WASHC2C: variants seen among roughly 807,000 people sequenced by gnomAD.
WASHC2C encodes the protein Vaccinia Penetration Factor.
In WASHC2C, 73 loss-of-function variants were observed where a neutral mutation model predicts 142.2. The observed-to-expected ratio is 0.51, with a 90% CI of 0.43 to 0.62. WASHC2C has a LOEUF of 0.62. Ranked by LOEUF, WASHC2C falls within the 20% of genes least tolerant of loss-of-function variation. The pLI is 0.00. For synonymous variants in WASHC2C, 337 were observed against 565.5 expected (o/e 0.60, Z 5.73); for missense variants, 969 against 1,531.7 (o/e 0.63, Z 6.13).
intron 17 of WASHC2C, among the ~76,000 whole-genome samples, chr10:45,761,148 G>A (rs1169274852): frequency 2.0e-5 from 3 of 151,494 alleles, no homozygotes; most frequent in East Asian, 2.0e-4. Flanking sequence ...GTCTGAAGGT[G>A]GCTGGGCTGA....
At chr10:45,784,034 G>C (rs1554888737) in intron 23 of WASHC2C, among the ~76,000 whole-genome samples, 1 of 151,912 alleles carries the variant, frequency 6.6e-6, no homozygotes, top group Non-Finnish European at 1.5e-5. Flanking sequence ...TGTGTAGTTT[G>C]TGCTTGAGTC....
At chr10:45,787,390 C>T (rs1322290728) in intron 28 of WASHC2C, 143 bp downstream of exon 28, 1 of 1,514,728 alleles carries the variant, frequency 6.6e-7, no homozygotes, top group East Asian at 2.4e-5. Flanking sequence ...AGCCGCTCCC[C>T]CCTCCATTCT....
At chr10:45,759,782 G>A (rs1348364022) in intron 17 of WASHC2C, among the ~76,000 whole-genome samples, 1 of 152,144 alleles carries the variant, frequency 6.6e-6, no homozygotes, top group Non-Finnish European at 1.5e-5. Flanking sequence ...TCACACCATT[G>A]CACTCCAGTC....
intron 17 of WASHC2C, among the ~76,000 whole-genome samples, chr10:45,761,065 C>G (rs1469764602): frequency 6.6e-6 from 1 of 151,982 alleles, no homozygotes; most frequent in African/African-American, 2.4e-5. Context: ...TCATAACACC[C>G]ATAGTTTTGT....
intron 15 of WASHC2C, among the ~76,000 whole-genome samples, chr10:45,755,903 T>C (rs2054220312): frequency 6.6e-6 from 1 of 152,234 alleles, no homozygotes. Flanking sequence ...CTAGAATGCA[T>C]TTAGAAGCCG....
chr10:45,756,309 G>A (rs2054280539), intron 15 of WASHC2C, among the ~76,000 whole-genome samples: 2 of 149,298 alleles, frequency 1.3e-5, no homozygotes, highest in Non-Finnish European at 3.0e-5. Flanking sequence ...ATACTTATCA[G>A]TAGAGTAAGC....
chr10:45,774,495 A>G (rs1345431527), intron 21 of WASHC2C, among the ~76,000 whole-genome samples: 15 of 5,274 alleles, frequency 2.8e-3, no homozygotes, highest in African/African-American at 9.9e-3. Context: ...ATAAAACAAA[A>G]GGTCAAGACA....
At chr10:45,767,554 G>C (rs1345439536) in intron 19 of WASHC2C, among the ~76,000 whole-genome samples, 2 of 152,274 alleles carry the variant, frequency 1.3e-5, no homozygotes, top group Admixed American at 6.5e-5. Flanking sequence ...TCCTACTAGA[G>C]TATTATAGTG....
chr10:45,792,383 G>A lies in WASHC2C; in HGVS notation c.4009G>A (p.Ala1337Thr). Residue 1337 changes from alanine (A) to threonine (T), a missense_variant, in exon 31 of 31, where the codon GCC (alanine) becomes ACC (threonine). By Grantham distance (58) the Ala-to-Thr change is moderately conservative. Coordinates refer to ENST00000623400, the MANE Select transcript of WASHC2C (RefSeq NM_001330074.2). ...CAACATCTTTGATGATCCCCTGAATGCCTTTGGAGGCCAGTAGAGCACACA... is the reference window on the plus strand; with the variant it reads ...CAACATCTTTGATGATCCCCTGAATACCTTTGGAGGCCAGTAGAGCACACA... The part of the protein sequence containing the change: ...VSNIFDDPLN[A>T]FGGQ 1 of 1,565,094 alleles carries A rather than the reference G, an allele frequency of 6.4e-7. No homozygotes were observed. Among genetic ancestry groups the A allele is most frequent in the Non-Finnish European group, 8.7e-7 (1 of 1,146,684 alleles).
chr10:45,780,965 G>T (rs1296478555), intron 23 of WASHC2C, among the ~76,000 whole-genome samples: 1 of 151,094 alleles, frequency 6.6e-6, no homozygotes, highest in Non-Finnish European at 1.5e-5. Flanking sequence ...TGTTGGCCAC[G>T]CTGACCTTGA....
At position 45,754,841 on chromosome 10, in the gene WASHC2C, A is replaced by C. The variant is rs2054043893; in HGVS notation, c.1241-95A>C. 3 of 1,487,870 alleles carry C rather than the reference A, an allele frequency of 2.0e-6. No individual in the cohort carries two copies. In the East Asian group the frequency reaches 7.4e-5, roughly 37 times the overall value. 92.2% of individuals were successfully genotyped at this position (1,487,870 alleles called of 1,614,324 possible). A position where few individuals can be genotyped will look rare whatever the true frequency, so the allele number is the denominator to read the frequency against. On this transcript the variant is annotated intron_variant, in intron 14 of 30. Coordinates refer to ENST00000623400, the MANE Select transcript of WASHC2C (RefSeq NM_001330074.2). Reference sequence around the variant, plus strand: ...GTTATGCATTTTGTGGATTAACTGAAATGGAAAGTTTTTGGTGGGTGATAA... The same window carrying C: ...GTTATGCATTTTGTGGATTAACTGACATGGAAAGTTTTTGGTGGGTGATAA...
At chr10:45,777,520 A>G in intron 22 of WASHC2C, 95 bp downstream of exon 22, 1 of 1,573,296 alleles carries the variant, frequency 6.4e-7, no homozygotes, top group Non-Finnish European at 8.7e-7. Context: ...ACAGAAAATA[A>G]ATGGCCCATT....
intron 17 of WASHC2C, among the ~76,000 whole-genome samples, chr10:45,759,678 G>T (rs1402270208): frequency 1.2e-4 from 19 of 152,050 alleles, no homozygotes; most frequent in African/African-American, 4.3e-4. Context: ...AATTAGCCGG[G>T]TATGGTGGTG....
upstream of WASHC2C, chr10:45,727,225 C>T (rs993956115): frequency 1.3e-5 from 20 of 1,513,424 alleles, no homozygotes; most frequent in Admixed American, 6.5e-5. Context: ...GCCGGTCACG[C>T]CCCGGGCAGC....
chr10:45,748,530 TCC>T (rs1270256367), intron 8 of WASHC2C, among the ~76,000 whole-genome samples: 4 of 152,366 alleles, frequency 2.6e-5, no homozygotes, highest in Admixed American at 6.5e-5. Flanking sequence ...CCTCAGGTGA[TCC>T]GCCTGCCTCA....
chr10:45,773,915 A>AG (rs2056854405), intron 21 of WASHC2C, among the ~76,000 whole-genome samples: 1 of 144,652 alleles, frequency 6.9e-6, no homozygotes, highest in African/African-American at 2.6e-5. Flanking sequence ...AAAAAAAAAA[A>AG]GCGTAAACAC....
At chr10:45,747,666 A>G (rs1420289858) in intron 8 of WASHC2C, among the ~76,000 whole-genome samples, 4 of 148,950 alleles carry the variant, frequency 2.7e-5, no homozygotes, top group African/African-American at 5.0e-5. Flanking sequence ...TCTCAGCTCA[A>G]TGTAATCTCC....
chr10:45,760,913 C>G (rs1284734831), intron 17 of WASHC2C, among the ~76,000 whole-genome samples: 2 of 151,374 alleles, frequency 1.3e-5, no homozygotes, highest in Non-Finnish European at 2.9e-5. Context: ...ACACCCCGTC[C>G]TTAATACCTG....
At chr10:45,744,389 A>G (rs1156474668) in intron 6 of WASHC2C, among the ~76,000 whole-genome samples, 1 of 146,314 alleles carries the variant, frequency 6.8e-6, no homozygotes, top group Non-Finnish European at 1.5e-5. Flanking sequence ...ACATAAGGGT[A>G]TTATCCAATC....
Sources: allele counts gnomAD v4.1 joint callset (sites outside exome capture counted in the v4.1 genomes callset), GRCh38; gene constraint gnomAD v4.1.1; transcripts MANE v1.5; gene names NCBI Gene and HGNC (gene_info 2026-07-23, HGNC 2026-07-21).